The following PLCL1 variants were observed in gnomAD, a reference collection of about 807,000 sequenced individuals.
The protein encoded by PLCL1 is inactive phospholipase C-like protein 1.
Under a neutral mutation model 84.4 loss-of-function variants are expected in PLCL1, and 41 were observed. That is an observed-to-expected ratio of 0.49 (90% CI 0.38 to 0.63). The LOEUF (loss-of-function observed/expected upper bound fraction) is 0.63, where lower values mean the gene tolerates loss of function less well. Ranked by LOEUF, PLCL1 falls within the 30% of genes least tolerant of loss-of-function variation. The probability of loss-of-function intolerance (pLI) is 0.00; values close to 1 mark genes in which losing one functional copy is unlikely to be tolerated. For synonymous variants in PLCL1, 490 were observed against 488.3 expected, an observed-to-expected ratio of 1.00 and a Z score of -0.05; for missense variants, 1,206 against 1,367.8, an observed-to-expected ratio of 0.88 and a Z score of 1.87.
intron 1 of PLCL1, among the ~76,000 whole-genome samples, chr2:197,979,280 G>A (rs79818012): frequency 6.6e-6 from 1 of 152,142 alleles, no homozygotes; most frequent in Non-Finnish European, 1.5e-5. Context: ...TTGATATGAG[G>A]TTGTTTTTGT....
intron 1 of PLCL1, among the ~76,000 whole-genome samples, chr2:198,013,795 T>A (rs1414076424): frequency 6.6e-6 from 1 of 152,140 alleles, no homozygotes; most frequent in Non-Finnish European, 1.5e-5. Context: ...ATAGCTGAAG[T>A]AAATTAAAAC....
At chr2:197,987,367 C>T (rs1287476470) in intron 1 of PLCL1, among the ~76,000 whole-genome samples, 1 of 152,178 alleles carries the variant, frequency 6.6e-6, no homozygotes, top group Non-Finnish European at 1.5e-5. Context: ...CACACTGTGC[C>T]CACATTCATG....
At chr2:198,006,589 T>A (rs1199387456) in intron 1 of PLCL1, among the ~76,000 whole-genome samples, 1 of 152,334 alleles carries the variant, frequency 6.6e-6, no homozygotes, top group African/African-American at 2.4e-5. Flanking sequence ...GCCACATATA[T>A]TTTTAGAATC....
intron 5 of PLCL1, among the ~76,000 whole-genome samples, chr2:198,108,504 C>A (rs564589325): frequency 7.5e-4 from 114 of 151,786 alleles, no homozygotes; most frequent in Non-Finnish European, 1.4e-3. Context: ...TGGAGTGGTG[C>A]AAAGGGGCAT....
chr2:197,882,039 G>T (rs1366759911), intron 1 of PLCL1, among the ~76,000 whole-genome samples: 1 of 152,144 alleles, frequency 6.6e-6, no homozygotes, highest in African/African-American at 2.4e-5. Flanking sequence ...ATGAATGAGA[G>T]TGGGTTGGGA....
rs183144860 is a variant in PLCL1 at position 197,986,044 on chromosome 2, G to T, written c.241-97714G>T. 3.5e-3 allele frequency among the ~76,000 whole-genome samples: 526 copies of T among 152,268 alleles called. 1 individual carries two copies. The highest frequency in any genetic ancestry group is 5.8e-3 in the Non-Finnish European group (395 of 68,016). On this transcript the variant is annotated intron_variant, in intron 1 of 5. Transcript: ENST00000428675. ...CCTTCTGTGGTTCAGTTTCAGAGTG[G>T]GGAGAAGCCAGGGAGTGATATTAGA...
chr2:198,103,800 G>T, intron 4 of PLCL1, 27 bp from the exon 5 acceptor site: 1 of 1,230,964 alleles, frequency 8.1e-7, no homozygotes, highest in Non-Finnish European at 1.2e-6. Context: ...TATATACTCA[G>T]ATTTCTTATG....
chr2:198,131,051 G>A (rs1438633977), intron 5 of PLCL1, among the ~76,000 whole-genome samples: 1 of 151,938 alleles, frequency 6.6e-6, no homozygotes, highest in Non-Finnish European at 1.5e-5. Context: ...GTCTCTCATT[G>A]CCTTCTTCTT....
intron 1 of PLCL1, among the ~76,000 whole-genome samples, chr2:197,974,579 T>C (rs193049937): frequency 1.3e-5 from 2 of 152,322 alleles, no homozygotes; most frequent in Admixed American, 1.3e-4. Context: ...ATAAACAAAA[T>C]GCAGAGCACA....
chr2:197,922,961 C>A (rs567574254), intron 1 of PLCL1, among the ~76,000 whole-genome samples: 12 of 128,492 alleles, frequency 9.3e-5, no homozygotes, highest in Non-Finnish European at 1.5e-4. Context: ...GGCTGACCCC[C>A]CCACCTCCCT....
At chr2:197,885,308 C>T (rs1687899491) in intron 1 of PLCL1, among the ~76,000 whole-genome samples, 1 of 152,146 alleles carries the variant, frequency 6.6e-6, no homozygotes, top group South Asian at 2.1e-4. Flanking sequence ...TGGTGTAATT[C>T]AGTCTGAGTC....
chr2:197,817,030 GT>G (rs1362895247), intron 1 of PLCL1, among the ~76,000 whole-genome samples: 4 of 152,100 alleles, frequency 2.6e-5, no homozygotes, highest in African/African-American at 7.2e-5. Context: ...TGGCCAAATG[GT>G]ACCCATAAGT....
chr2:198,114,787 T>G (rs977849971), intron 5 of PLCL1, among the ~76,000 whole-genome samples: 14 of 95,926 alleles, frequency 1.5e-4, no homozygotes, highest in African/African-American at 4.9e-4. Context: ...ATGAGTTCAC[T>G]TCTCTGAATG....
Position 198,084,861 on chromosome 2 carries a change from T to C in PLCL1, c.1344T>C (p.Asp448=). ...GAAGCGTTGAACTCGATGTAAGTGA[T>C]GGTTCAGATAATGAACCAATCCTTT... ...GCRSVELDVS[D]GSDNEPILCN... The change falls in exon 2 of 6, where the codon GAT becomes GAC. Residue 448 remains aspartate (D), a synonymous_variant. Transcript: ENST00000428675. The C allele has an allele frequency of 6.2e-7, 1 of 1,614,070 alleles. No individual in the cohort carries two copies. Among genetic ancestry groups the C allele is most frequent in the Non-Finnish European group, 8.5e-7 (1 of 1,179,962 alleles).
chr2:198,108,860 TG>T (rs1693551941), intron 5 of PLCL1, among the ~76,000 whole-genome samples: 1 of 151,916 alleles, frequency 6.6e-6, no homozygotes, highest in Non-Finnish European at 1.5e-5. Context: ...TATATCCAAC[TG>T]TAGCAGTCAA....
chr2:197,916,446 TAA>T (rs1688601916), intron 1 of PLCL1, among the ~76,000 whole-genome samples: 1 of 152,136 alleles, frequency 6.6e-6, no homozygotes, highest in Non-Finnish European at 1.5e-5. Flanking sequence ...TTCTCATTTA[TAA>T]AACAGAGATA....
chr2:197,964,885 T>C lies in PLCL1; in HGVS notation c.241-118873T>C, dbSNP rs182756034. ...TTATTCTATTGATATATCACATTGA[T>C]TAATTTGTGTGTGTTGAACCATCCT... On this transcript the variant is annotated intron_variant, in intron 1 of 5. Coordinates refer to ENST00000428675, the MANE Select transcript of PLCL1 (RefSeq NM_006226.4). Among the ~76,000 whole-genome samples the C allele has an allele frequency of 2.2e-3, 334 of 152,292 alleles. 3 individuals carry two copies. Among genetic ancestry groups the C allele is most frequent in the African/African-American group, 7.5e-3 (311 of 41,568 alleles).
chr2:197,881,588 CT>C (rs1351162325), intron 1 of PLCL1, among the ~76,000 whole-genome samples: 1 of 151,892 alleles, frequency 6.6e-6, no homozygotes, highest in Non-Finnish European at 1.5e-5. Context: ...ACCTTGGCAA[CT>C]CACTTAACCT....
At chr2:197,863,811 A>G (rs1239337136) in intron 1 of PLCL1, among the ~76,000 whole-genome samples, 1 of 152,128 alleles carries the variant, frequency 6.6e-6, no homozygotes, top group Admixed American at 6.5e-5. Flanking sequence ...TTACCTGTAC[A>G]CTTAATATTA....
Sources: allele counts gnomAD v4.1 joint callset (sites outside exome capture counted in the v4.1 genomes callset), GRCh38; gene constraint gnomAD v4.1.1; transcripts MANE v1.5; gene names NCBI Gene and HGNC (gene_info 2026-07-23, HGNC 2026-07-21).